Variants in GPC5 observed in about 807,000 individuals in gnomAD.
GPC5 encodes the protein glypican-5.
GPC5 carries 47 observed loss-of-function variants against 53.9 expected under a neutral mutation model. The observed-to-expected ratio is 0.87, with a 90% CI of 0.69 to 1.11. The LOEUF is 1.11. Ranked by LOEUF, GPC5 falls within the 50% of genes most tolerant of loss-of-function variation. The probability of loss-of-function intolerance (pLI) is 0.00; values close to 1 mark genes in which losing one functional copy is unlikely to be tolerated. For synonymous variants in GPC5, 286 were observed against 263.3 expected (o/e 1.09, Z -0.84); for missense variants, 748 against 713.1 (o/e 1.05, Z -0.56).
intron 7 of GPC5, among the ~76,000 whole-genome samples, chr13:92,296,490 T>G (rs1378432756): frequency 1.3e-5 from 2 of 152,036 alleles, no homozygotes; most frequent in African/African-American, 4.8e-5. Context: ...TAGTGAGAGG[T>G]AACAGCATGC....
intron 5 of GPC5, among the ~76,000 whole-genome samples, chr13:91,854,334 T>C (rs1241182148): frequency 6.6e-6 from 1 of 151,796 alleles, no homozygotes; most frequent in African/African-American, 2.4e-5. Context: ...TATGTAATAA[T>C]CACATCATGG....
rs951941829 is a variant in GPC5 at position 92,697,927 on chromosome 13, G to A, written c.1562-168355G>A. 2.6e-5 allele frequency among the ~76,000 whole-genome samples: 4 copies of A among 152,132 alleles called. No homozygotes were observed. In the South Asian group the frequency reaches 8.3e-4, roughly 32 times the overall value. ...TGAAAGGCTGTTGAATTTTGTCTAA[G>A]GCCTTTACTGTATCTATTGAGATAA... On this transcript the variant is annotated intron_variant, in intron 7 of 7. Coordinates refer to ENST00000377067, the MANE Select transcript of GPC5 (RefSeq NM_004466.6).
At chr13:92,526,770 G>C (rs1367218808) in intron 7 of GPC5, among the ~76,000 whole-genome samples, 9 of 151,770 alleles carry the variant, frequency 5.9e-5, no homozygotes, top group Non-Finnish European at 1.3e-4. Flanking sequence ...ATAGACAAGT[G>C]AAAGATTTGA....
chr13:91,813,418 T>C (rs2038345457), intron 5 of GPC5, among the ~76,000 whole-genome samples: 1 of 152,212 alleles, frequency 6.6e-6, no homozygotes, highest in African/African-American at 2.4e-5. Context: ...GAGGCAGCCA[T>C]GCATTGGGCT....
chr13:91,441,094 T>TC (rs1248535745), intron 1 of GPC5, among the ~76,000 whole-genome samples: 2 of 152,216 alleles, frequency 1.3e-5, no homozygotes, highest in African/African-American at 4.8e-5. Flanking sequence ...AGAAAACTAA[T>TC]CCCCTGCTTT....
At chr13:92,256,717 G>C (rs1239929098) in intron 7 of GPC5, among the ~76,000 whole-genome samples, 7 of 151,458 alleles carry the variant, frequency 4.6e-5, no homozygotes, top group Admixed American at 4.6e-4. Flanking sequence ...ATTTTAGTCA[G>C]TATTTCCTGA....
intron 7 of GPC5, among the ~76,000 whole-genome samples, chr13:92,370,190 T>G (rs911224726): frequency 6.6e-6 from 1 of 152,202 alleles, no homozygotes; most frequent in Non-Finnish European, 1.5e-5. Context: ...GGACATTTAT[T>G]TAGGAGAAGT....
At chr13:92,125,503 A>G (rs1249964315) in intron 6 of GPC5, among the ~76,000 whole-genome samples, 1 of 152,122 alleles carries the variant, frequency 6.6e-6, no homozygotes, top group Non-Finnish European at 1.5e-5. Context: ...GATAAATGTG[A>G]GATTCTATAA....
chr13:91,460,106 A>G (rs2351864), intron 2 of GPC5, among the ~76,000 whole-genome samples: 1 of 152,088 alleles, frequency 6.6e-6, no homozygotes, highest in Non-Finnish European at 1.5e-5. Flanking sequence ...TGAAAATAGA[A>G]TTATTTATTA....
rs571935481 is a variant in GPC5, at chr13:92,272,340, T to A, written c.1561+127351T>A. Among the ~76,000 whole-genome samples, 196 of 152,270 alleles carry A rather than the reference T, an allele frequency of 1.3e-3. 1 individual carries two copies. Among genetic ancestry groups the A allele is most frequent in the African/African-American group, 4.4e-3 (181 of 41,558 alleles). ...GCTGTCTGAGAGTCAGCCTACTGCA[T>A]TCCTGAGAGGAATATCCACTAGCCA... On this transcript the variant is annotated intron_variant, in intron 7 of 7. Transcript: ENST00000377067.
intron 6 of GPC5, among the ~76,000 whole-genome samples, chr13:92,008,018 A>G (rs541950073): frequency 4.1e-4 from 62 of 152,064 alleles, no homozygotes; most frequent in African/African-American, 1.4e-3. Context: ...GTTTTCTTGG[A>G]ACAGTACATG....
intron 2 of GPC5, among the ~76,000 whole-genome samples, chr13:91,566,274 G>A (rs975027197): frequency 1.3e-5 from 2 of 152,020 alleles, no homozygotes; most frequent in African/African-American, 4.8e-5. Context: ...TATCAAAAAT[G>A]CAAATTTCTG....
chr13:92,513,436 T>C (rs2138956044), intron 7 of GPC5, among the ~76,000 whole-genome samples: 2 of 151,884 alleles, frequency 1.3e-5, no homozygotes, highest in South Asian at 4.1e-4. Flanking sequence ...TGTGTATTTT[T>C]CCACATCCTA....
intron 6 of GPC5, among the ~76,000 whole-genome samples, chr13:92,016,643 G>A (rs1594725505): frequency 6.6e-6 from 1 of 151,756 alleles, no homozygotes; most frequent in South Asian, 2.1e-4. Flanking sequence ...CTTTGAATGT[G>A]GTTTCATATT....
At chr13:91,653,494 T>C (rs1387840297) in intron 2 of GPC5, among the ~76,000 whole-genome samples, 3 of 152,154 alleles carry the variant, frequency 2.0e-5, no homozygotes, top group South Asian at 4.1e-4. Flanking sequence ...CAATAATAAC[T>C]TAATGGTACA....
At chr13:92,833,894 A>G (rs1328941792) in intron 7 of GPC5, among the ~76,000 whole-genome samples, 1 of 152,186 alleles carries the variant, frequency 6.6e-6, no homozygotes, top group Non-Finnish European at 1.5e-5. Flanking sequence ...AGGCAGGAAC[A>G]AGATTATAGA....
At chr13:91,689,251 TA>T (rs1418036462) in intron 2 of GPC5, among the ~76,000 whole-genome samples, 1 of 139,160 alleles carries the variant, frequency 7.2e-6, no homozygotes, top group Admixed American at 7.3e-5. Context: ...AATTATGGTA[TA>T]AATTTTTTTT....
At chr13:92,394,156 A>T (rs1875150288) in intron 7 of GPC5, among the ~76,000 whole-genome samples, 1 of 152,164 alleles carries the variant, frequency 6.6e-6, no homozygotes, top group Admixed American at 6.5e-5. Flanking sequence ...AGTGAAATTT[A>T]GGACCTCCAA....
chr13:92,803,791 T>C (rs1486450739), intron 7 of GPC5, among the ~76,000 whole-genome samples: 1 of 151,930 alleles, frequency 6.6e-6, no homozygotes, highest in African/African-American at 2.4e-5. Context: ...GGATGTTGGG[T>C]ATTATATGGC....
Sources: allele counts gnomAD v4.1 joint callset (sites outside exome capture counted in the v4.1 genomes callset), GRCh38; gene constraint gnomAD v4.1.1; transcripts MANE v1.5; gene names NCBI Gene and HGNC (gene_info 2026-07-23, HGNC 2026-07-21).